The following RRBP1 variants were observed in gnomAD, a reference collection of about 807,000 sequenced individuals.
RRBP1 encodes the protein ribosome-binding protein 1.
RRBP1 carries 94 observed loss-of-function variants against 165.2 expected under a neutral mutation model. The observed-to-expected ratio is 0.57, with a 90% CI of 0.48 to 0.68. RRBP1 has a LOEUF of 0.68. RRBP1 is among the 30% of genes least tolerant of loss of function. The pLI is 0.00. For missense variants in RRBP1, 1,676 were observed against 1,763.0 expected (o/e 0.95, Z 0.88); for synonymous variants, 680 against 714.5 (o/e 0.95, Z 0.77).
chr20:17,628,999 CG>C (rs2036091334), intron 9 of RRBP1, among the ~76,000 whole-genome samples: 1 of 151,584 alleles, frequency 6.6e-6, no homozygotes, highest in East Asian at 1.9e-4. Flanking sequence ...ACAGTTCACC[CG>C]GTGTTAACGG....
Position 17,632,961 on chromosome 20 carries a change from G to A in RRBP1, c.2610+499C>T, listed in dbSNP as rs577826613. On this transcript the variant is annotated intron_variant, in intron 8 of 24. Coordinates refer to ENST00000377813, the MANE Select transcript of RRBP1 (RefSeq NM_001365613.2). ...AGAAACCCCACTGGCCTTGAAGCCA[G>A]AGGCTGCGTCCACAGCCTGTGGGCT... Among the ~76,000 whole-genome samples the A allele has an allele frequency of 5.4e-4, 83 of 152,340 alleles. 1 individual carries two copies. Among genetic ancestry groups the A allele is most frequent in the African/African-American group, 1.9e-3 (77 of 41,584 alleles).
At chr20:17,679,473 G>C (rs1236808984) in intron 2 of RRBP1, among the ~76,000 whole-genome samples, 1 of 152,198 alleles carries the variant, frequency 6.6e-6, no homozygotes, top group Non-Finnish European at 1.5e-5. Context: ...AAAACTTGCT[G>C]TCTCAACAGA....
At position 17,668,164 on chromosome 20, in the gene RRBP1, A is replaced by G. The variant is rs905616484; in HGVS notation, c.-21-7636T>C. 9.9e-5 allele frequency among the ~76,000 whole-genome samples: 15 copies of G among 152,234 alleles called. No individual in the cohort carries two copies. In the South Asian group the frequency reaches 2.9e-3, roughly 29 times the overall value. ...TTATGTTATTCTTCAATTCTGGAAAATCCTTGGCCACACAGTTCTTCGAAA... is the reference window on the plus strand; with the variant it reads ...TTATGTTATTCTTCAATTCTGGAAAGTCCTTGGCCACACAGTTCTTCGAAA... On this transcript the variant is annotated intron_variant, in intron 2 of 24. Transcript: ENST00000377813.
At chr20:17,617,300 G>A (rs1307757995) in intron 20 of RRBP1, among the ~76,000 whole-genome samples, 1 of 152,210 alleles carries the variant, frequency 6.6e-6, no homozygotes, top group Admixed American at 6.5e-5. Flanking sequence ...CCATCACTGG[G>A]GTTAGGTGGC....
At chr20:17,644,180 G>C (rs1486648109) in intron 3 of RRBP1, among the ~76,000 whole-genome samples, 1 of 152,156 alleles carries the variant, frequency 6.6e-6, no homozygotes, top group Non-Finnish European at 1.5e-5. Context: ...TTAATGAGGG[G>C]AACGTGGGAT....
At chr20:17,636,139 T>C (rs1481760349) in intron 6 of RRBP1, among the ~76,000 whole-genome samples, 3 of 152,374 alleles carry the variant, frequency 2.0e-5, no homozygotes, top group Non-Finnish European at 4.4e-5. Context: ...AGGGCCAGTC[T>C]GGGCAGCCGC....
intron 2 of RRBP1, among the ~76,000 whole-genome samples, chr20:17,671,965 C>T (rs2036987814): frequency 6.6e-6 from 1 of 152,228 alleles, no homozygotes; most frequent in Admixed American, 6.5e-5. Flanking sequence ...TTCCAGCCAA[C>T]CATGCTCTTC....
At chr20:17,640,491 G>GA (rs1467647952) in intron 5 of RRBP1, among the ~76,000 whole-genome samples, 1 of 152,158 alleles carries the variant, frequency 6.6e-6, no homozygotes, top group Non-Finnish European at 1.5e-5. Context: ...AAGATTAGGG[G>GA]CCCCTGGCAG....
chr20:17,651,204 A>G (rs140801241), intron 3 of RRBP1, among the ~76,000 whole-genome samples: 2,479 of 152,210 alleles, frequency 0.016, 40 homozygotes, highest in Non-Finnish European at 0.019. Context: ...TGCTCCCCAA[A>G]CTTCCTGAAG....
chr20:17,620,779 C>T lies in RRBP1; in HGVS notation c.3443G>A (p.Ser1148Asn), dbSNP rs2035899224. Residue 1148 changes from serine (S) to asparagine (N), a missense_variant, in exon 17 of 25, where the codon AGC (serine) becomes AAC (asparagine). Transcript: ENST00000377813. Reference sequence around the variant, plus strand: ...CCACACCTGCTCCTCCTCCTCCACGCTCTTCTGCAGGTCTCTGAGCATGCC... The same window carrying T: ...CCACACCTGCTCCTCCTCCTCCACGTTCTTCTGCAGGTCTCTGAGCATGCC... ...TEGMLRDLQK[S>N]VEEEEQVWRA... is the part of the protein sequence containing the mutation. 9.3e-6 allele frequency: 15 copies of T among 1,608,854 alleles called. No homozygotes were observed. The Middle Eastern group carries it at 1.2e-3, about 124-fold the overall frequency.
chr20:17,656,725 A>G (rs2036652397), intron 3 of RRBP1, among the ~76,000 whole-genome samples: 2 of 152,210 alleles, frequency 1.3e-5, no homozygotes, highest in African/African-American at 2.4e-5. Context: ...CTCAGATGGG[A>G]CTTTTGGAAT....
chr20:17,660,175 T>C lies in RRBP1; in HGVS notation c.333A>G (p.Pro111=), dbSNP rs755211217. 3 of 1,613,804 alleles carry C rather than the reference T, an allele frequency of 1.9e-6. No homozygotes were observed. The change falls in exon 3 of 25, where the codon CCA becomes CCG. Residue 111 remains proline (P), a synonymous_variant. Coordinates refer to ENST00000377813, the MANE Select transcript of RRBP1 (RefSeq NM_001365613.2). The part of the protein sequence containing the change: ...RAPAVAVAPT[P]VQPPIIVAPV... ...GAGCAACGATAATGGGGGGCTGCAC[T>C]GGGGTTGGAGCCACAGCCACAGCAG...
At chr20:17,629,515 T>A (rs1002148185) in intron 9 of RRBP1, among the ~76,000 whole-genome samples, 2 of 151,704 alleles carry the variant, frequency 1.3e-5, no homozygotes, top group African/African-American at 4.8e-5. Flanking sequence ...TCCACCCCCA[T>A]ATGCCCTGCT....
chr20:17,615,022 G>T, intron 23 of RRBP1, 142 bp from the exon 24 acceptor site: 1 of 928,528 alleles, frequency 1.1e-6, no homozygotes, highest in Non-Finnish European at 1.6e-6. Context: ...GGAGATAGGT[G>T]GTGACGACAG....
At chr20:17,637,402 T>C (rs568212433) in intron 5 of RRBP1, among the ~76,000 whole-genome samples, 3 of 151,882 alleles carry the variant, frequency 2.0e-5, no homozygotes, top group Admixed American at 6.5e-5. Flanking sequence ...CCAGAAACCA[T>C]AGGGAGGCAG....
chr20:17,638,045 G>A (rs374270193), intron 5 of RRBP1, among the ~76,000 whole-genome samples: 1 of 152,210 alleles, frequency 6.6e-6, no homozygotes, highest in Admixed American at 6.5e-5. Context: ...AGACCAAGGG[G>A]TTCCCAGAAA....
At chr20:17,640,070 G>T (rs945558829) in intron 5 of RRBP1, among the ~76,000 whole-genome samples, 2 of 152,184 alleles carry the variant, frequency 1.3e-5, no homozygotes, top group Non-Finnish European at 2.9e-5. Context: ...CCCCTCAGCT[G>T]CGAGGTGGCC....
At chr20:17,619,781 G>A (rs1180921037) in intron 18 of RRBP1, 53 bp from the exon 19 acceptor site, 36 of 1,369,340 alleles carry the variant, frequency 2.6e-5, no homozygotes, top group Non-Finnish European at 3.4e-5. Context: ...TCTGCTCAAA[G>A]GGCACTCACC....
At chr20:17,619,909 C>T in intron 18 of RRBP1, 181 bp from the exon 19 acceptor site, 1 of 559,768 alleles carries the variant, frequency 1.8e-6, no homozygotes, top group Non-Finnish European at 3.2e-6. Flanking sequence ...CGGAAAGTGG[C>T]AGGCTGCACC....
Sources: allele counts gnomAD v4.1 joint callset (sites outside exome capture counted in the v4.1 genomes callset), GRCh38; gene constraint gnomAD v4.1.1; transcripts MANE v1.5; gene names NCBI Gene and HGNC (gene_info 2026-07-23, HGNC 2026-07-21).